Variants in CCDC148 observed in about 807,000 individuals in gnomAD.
CCDC148 encodes coiled-coil domain containing 148.
CCDC148 carries 89 observed loss-of-function variants against 85.7 expected under a neutral mutation model. The observed-to-expected ratio is 1.04, with a 90% CI of 0.87 to 1.24. CCDC148 has a LOEUF of 1.24. Among genes scored for constraint, CCDC148 ranks in the 50% most tolerant of loss-of-function variants. The pLI is 0.00. For synonymous variants in CCDC148, 230 were observed against 213.9 expected (o/e 1.08, Z -0.66); for missense variants, 692 against 671.7 (o/e 1.03, Z -0.33).
In CCDC148 at chr2:158,378,965, C is replaced by T. The variant is rs570547704; in HGVS notation, c.26-20395G>A. ...AACATAACATTTATTCTGCAGCCCACGGATCAGAAGTAATTTCAACTTTCA... is the reference window on the plus strand; with the variant it reads ...AACATAACATTTATTCTGCAGCCCATGGATCAGAAGTAATTTCAACTTTCA... On this transcript the variant is annotated intron_variant, in intron 1 of 13. Transcript: ENST00000283233. Among the ~76,000 whole-genome samples, 16 of 152,202 alleles carry T rather than the reference C, an allele frequency of 1.1e-4. No individual in the cohort carries two copies. The South Asian group carries it at 2.3e-3, about 22-fold the overall frequency.
In CCDC148 at chr2:158,303,965, C is replaced by T. The variant is rs555838264; in HGVS notation, c.1110+5468G>A. ...CACTCAGTAAAGTATGCTTAGTATA[C>T]GGTACAGCATGATGTGTGAGACATC... On this transcript the variant is annotated intron_variant, in intron 9 of 13. Coordinates refer to ENST00000283233, the MANE Select transcript of CCDC148 (RefSeq NM_138803.4). 3.3e-5 allele frequency among the ~76,000 whole-genome samples: 5 copies of T among 152,226 alleles called. No individual in the cohort carries two copies. In the South Asian group the frequency reaches 1.0e-3, roughly 32 times the overall value.
intron 9 of CCDC148, among the ~76,000 whole-genome samples, chr2:158,260,567 G>T (rs1305444302): frequency 6.6e-6 from 1 of 151,828 alleles, no homozygotes; most frequent in Non-Finnish European, 1.5e-5. Context: ...AGAGGAAGTC[G>T]AATTACCCCT....
intron 2 of CCDC148, among the ~76,000 whole-genome samples, chr2:158,346,549 TA>T (rs1559086728): frequency 6.6e-6 from 1 of 152,140 alleles, no homozygotes; most frequent in East Asian, 1.9e-4. Flanking sequence ...TTTCCTACAT[TA>T]AAAACCGCTC....
At chr2:158,274,412 G>A (rs185719557) in intron 9 of CCDC148, among the ~76,000 whole-genome samples, 2 of 152,274 alleles carry the variant, frequency 1.3e-5, no homozygotes, top group Non-Finnish European at 2.9e-5. Context: ...ATCGACACCT[G>A]CAGCTGTCAT....
chr2:158,268,197 C>T (rs893090116), intron 9 of CCDC148, among the ~76,000 whole-genome samples: 3 of 152,086 alleles, frequency 2.0e-5, no homozygotes, highest in Non-Finnish European at 2.9e-5. Context: ...TCTGCCTGTC[C>T]GTCAGCAATG....
rs548601650 is a variant in CCDC148 at position 158,325,888 on chromosome 2, G to A, written c.765-11994C>T. The stretch of plus-strand genomic sequence containing the variant: ...TAAAATATATCCAAGAGCTGAACTG[G>A]ATTACTTTATCTAAGTGTCCAATAT... On this transcript the variant is annotated intron_variant, in intron 7 of 13. Coordinates refer to ENST00000283233, the MANE Select transcript of CCDC148 (RefSeq NM_138803.4). Among the ~76,000 whole-genome samples, 3 of 152,226 alleles carry A rather than the reference G, an allele frequency of 2.0e-5. 1 individual carries two copies. In the South Asian group the frequency reaches 6.2e-4, roughly 32 times the overall value.
At chr2:158,196,577 C>T (rs1193584272) in intron 11 of CCDC148, among the ~76,000 whole-genome samples, 2 of 152,200 alleles carry the variant, frequency 1.3e-5, no homozygotes, top group Admixed American at 1.3e-4. Context: ...AACTTTCTCA[C>T]TGCCCCCAAT....
At chr2:158,322,095 G>C (rs1391006661) in intron 7 of CCDC148, among the ~76,000 whole-genome samples, 1 of 152,106 alleles carries the variant, frequency 6.6e-6, no homozygotes, top group Non-Finnish European at 1.5e-5. Flanking sequence ...ATTTACCAAT[G>C]CTACCAAAAG....
chr2:158,178,521 C>G (rs987350150), intron 12 of CCDC148, among the ~76,000 whole-genome samples: 13 of 152,128 alleles, frequency 8.5e-5, no homozygotes, highest in South Asian at 6.2e-4. Flanking sequence ...AGAAGATTAT[C>G]TTGCTCGAAC....
At chr2:158,330,038 C>T (rs571352865) in intron 7 of CCDC148, among the ~76,000 whole-genome samples, 5 of 152,264 alleles carry the variant, frequency 3.3e-5, no homozygotes, top group African/African-American at 4.8e-5. Flanking sequence ...GAACTTCCAA[C>T]GCTATGTTGA....
intron 11 of CCDC148, among the ~76,000 whole-genome samples, chr2:158,189,485 T>C (rs1685316641): frequency 6.6e-6 from 1 of 151,888 alleles, no homozygotes; most frequent in Non-Finnish European, 1.5e-5. Flanking sequence ...AGTTAACACG[T>C]ATACTATAAA....
intron 9 of CCDC148, among the ~76,000 whole-genome samples, chr2:158,275,682 T>G (rs1689905346): frequency 6.6e-6 from 1 of 151,920 alleles, no homozygotes; most frequent in Admixed American, 6.6e-5. Context: ...TTGCAGTTGG[T>G]TATATTTATG....
intron 5 of CCDC148, 29 bp from the exon 6 acceptor site, chr2:158,339,114 C>A: frequency 7.3e-7 from 1 of 1,364,420 alleles, no homozygotes; most frequent in Non-Finnish European, 1.0e-6. Context: ...AAGTAGTAGG[C>A]AAATTATTGC....
chr2:158,370,655 T>G (rs1287367054), intron 1 of CCDC148, among the ~76,000 whole-genome samples: 2 of 151,788 alleles, frequency 1.3e-5, no homozygotes, highest in Non-Finnish European at 2.9e-5. Context: ...CTGTAGTTTG[T>G]GTAAGATAAA....
chr2:158,404,931 T>C (rs1032207378), intron 1 of CCDC148, among the ~76,000 whole-genome samples: 1 of 152,160 alleles, frequency 6.6e-6, no homozygotes, highest in African/African-American at 2.4e-5. Flanking sequence ...ATAGAGATCT[T>C]GTGAATGCAT....
chr2:158,222,649 C>G (rs1274676586), intron 10 of CCDC148, among the ~76,000 whole-genome samples: 2 of 152,142 alleles, frequency 1.3e-5, no homozygotes, highest in Admixed American at 1.3e-4. Flanking sequence ...TGCCATTTTG[C>G]TGGGGAATAG....
At chr2:158,395,947 A>C (rs912207027) in intron 1 of CCDC148, among the ~76,000 whole-genome samples, 1 of 152,168 alleles carries the variant, frequency 6.6e-6, no homozygotes, top group Non-Finnish European at 1.5e-5. Context: ...GTCTTTATAC[A>C]ACATTTAATA....
intron 8 of CCDC148, among the ~76,000 whole-genome samples, chr2:158,309,901 T>C (rs183743423): frequency 2.4e-4 from 37 of 152,364 alleles, no homozygotes; most frequent in African/African-American, 7.0e-4. Flanking sequence ...TTACACCAGG[T>C]AACCTCTAAA....
Position 158,185,664 on chromosome 2 carries a change from C to T in CCDC148, c.1371-6668G>A, listed in dbSNP as rs561682670. Among the ~76,000 whole-genome samples, 26 of 152,166 alleles carry T rather than the reference C, an allele frequency of 1.7e-4. 1 individual carries two copies. The South Asian group carries it at 5.2e-3, about 30-fold the overall frequency. On this transcript the variant is annotated intron_variant, in intron 11 of 13. Transcript: ENST00000283233. ...AGAGAGAGACACTGGAAGAGTGTTGCAAATATCATATTAGCTCATTCCCCA... is the reference window on the plus strand; with the variant it reads ...AGAGAGAGACACTGGAAGAGTGTTGTAAATATCATATTAGCTCATTCCCCA...
Sources: gnomAD v4.1 joint callset for allele counts (sites outside exome capture counted in the v4.1 genomes callset) on GRCh38, gnomAD v4.1.1 for gene constraint, MANE v1.5 for transcripts, NCBI Gene and HGNC (gene_info 2026-07-23, HGNC 2026-07-21) for gene names.